The following SULT2A1 variants were observed in gnomAD, a reference collection of about 807,000 sequenced individuals.
The protein encoded by SULT2A1 is sulfotransferase 2A1.
A neutral mutation model predicts 33.9 loss-of-function variants in SULT2A1; 43 were observed. That is an observed-to-expected ratio of 1.27 (90% CI 1.00 to 1.64). The LOEUF (loss-of-function observed/expected upper bound fraction) is 1.64. SULT2A1 is among the 40% of genes most tolerant of loss of function. The pLI is 0.00. For missense variants in SULT2A1, 300 were observed against 335.1 expected (o/e 0.90, Z 0.82); for synonymous variants, 125 against 113.6 (o/e 1.10, Z -0.64).
chr19:47,879,923 A>G (rs1830521548), intron 3 of SULT2A1, among the ~76,000 whole-genome samples: 1 of 110,288 alleles, frequency 9.1e-6, no homozygotes, highest in South Asian at 3.4e-4. Flanking sequence ...AACTTAAAGT[A>G]TAACAATAAA....
chr19:47,878,875 G>A (rs977357389), intron 4 of SULT2A1, among the ~76,000 whole-genome samples, 161 bp downstream of exon 4: 1 of 152,064 alleles, frequency 6.6e-6, no homozygotes, highest in African/African-American at 2.4e-5. Flanking sequence ...CAGAAACAGG[G>A]CAATGAAGAC....
At chr19:47,878,838 G>C (rs1968573799) in intron 4 of SULT2A1, among the ~76,000 whole-genome samples, 198 bp downstream of exon 4, 1 of 152,054 alleles carries the variant, frequency 6.6e-6, no homozygotes, top group South Asian at 2.1e-4. Flanking sequence ...ATAAAATAAG[G>C]AGCGTGAAGC....
At chr19:47,880,407 T>C (rs1968592386) in intron 3 of SULT2A1, among the ~76,000 whole-genome samples, 1 of 151,874 alleles carries the variant, frequency 6.6e-6, no homozygotes, top group Non-Finnish European at 1.5e-5. Context: ...GGGATTACAA[T>C]TCGAGATGAG....
chr19:47,876,671 G>A (rs1270244449), intron 4 of SULT2A1, among the ~76,000 whole-genome samples: 1 of 151,160 alleles, frequency 6.6e-6, no homozygotes, highest in African/African-American at 2.4e-5. Context: ...TTGGGAGGCT[G>A]AGGCACGAGA....
Position 47,883,651 on chromosome 19 carries a change from C to T in SULT2A1, c.271G>A (p.Glu91Lys). ...TGGGAGGAGAATAAACGTGGACTCT[C>T]CGTTTCACTGAGTGCTGTATACCCA... is the stretch of plus-strand genomic sequence containing the variant. ...EIGYTALSET[E>K]SPRLFSSHLP... The change falls in exon 2 of 6, where the codon GAG becomes AAG. Residue 91 changes from glutamate (E) to lysine (K), a missense_variant. Glu to Lys is a moderately conservative substitution (Grantham distance 56). Coordinates refer to ENST00000222002, the MANE Select transcript of SULT2A1 (RefSeq NM_003167.4). 1 of 1,614,082 alleles carries T rather than the reference C, an allele frequency of 6.2e-7. No homozygotes were observed. Among genetic ancestry groups the T allele is most frequent in the South Asian group, 1.1e-5 (1 of 91,070 alleles).
intron 4 of SULT2A1, among the ~76,000 whole-genome samples, chr19:47,875,474 C>T (rs1307638640): frequency 2.0e-5 from 3 of 151,216 alleles, no homozygotes; most frequent in South Asian, 2.1e-4. Context: ...CCTGTCTCTA[C>T]AAAAAATACA....
chr19:47,882,820 C>T (rs1968616061), intron 2 of SULT2A1, among the ~76,000 whole-genome samples: 1 of 152,066 alleles, frequency 6.6e-6, no homozygotes, highest in African/African-American at 2.4e-5. Flanking sequence ...GAGGCTGGAG[C>T]AGGAGAATCA....
intron 3 of SULT2A1, among the ~76,000 whole-genome samples, chr19:47,880,012 G>A (rs1207201768): frequency 7.3e-5 from 11 of 151,652 alleles, no homozygotes; most frequent in African/African-American, 1.7e-4. Context: ...CGAGGCGGGC[G>A]GATCACGAGG....
intron 3 of SULT2A1, among the ~76,000 whole-genome samples, chr19:47,881,517 G>C (rs955491996): frequency 2.0e-5 from 3 of 152,240 alleles, no homozygotes; most frequent in Non-Finnish European, 4.4e-5. Context: ...GGCATTGGTG[G>C]CTCTCTCTAA....
chr19:47,878,960 C>T (rs73942754), intron 4 of SULT2A1, 76 bp downstream of exon 4: 199 of 932,500 alleles, frequency 2.1e-4, no homozygotes, highest in African/African-American at 1.4e-3. Context: ...GAAGACACAG[C>T]GGGATGGAGG....
In SULT2A1 at chr19:47,886,243, G is replaced by A. The variant is rs1378591632; in HGVS notation, c.15C>T (p.Phe5=). ...GGAAAGCTATGCCTTCAAACCATAA[G>A]AAATCGTCCGACATGATGATGACCT... MSDD[F]LWFEGIAFPT... The change falls in exon 1 of 6, where the codon TTC becomes TTT. Residue 5 remains phenylalanine (F), a synonymous_variant. Transcript: ENST00000222002. 1.9e-6 allele frequency: 3 copies of A among 1,613,978 alleles called. No individual in the cohort carries two copies. Among genetic ancestry groups the A allele is most frequent in the Middle Eastern group, 1.6e-4 (1 of 6,062 alleles).
Position 47,870,770 on chromosome 19 carries a change from A to G in SULT2A1, c.*685T>C, listed in dbSNP as rs1968481820. 1 of 147,560 alleles carries G rather than the reference A, an allele frequency of 6.8e-6. No homozygotes were observed. The highest frequency in any genetic ancestry group is 2.4e-5 in the African/African-American group (1 of 41,150). 9.1% of individuals were successfully genotyped at this position (147,560 alleles called of 1,614,324 possible). A position where few individuals can be genotyped will look rare whatever the true frequency, so the allele number is the denominator to read the frequency against. On this transcript the variant is annotated 3_prime_UTR_variant, in exon 6 of 6. Transcript: ENST00000222002. ...ACGGGAAACATTGCAAACATTTAAA[A>G]AAGTCTGGGATCCCATGACTCAACT...
In SULT2A1 at chr19:47,886,156, A is replaced by G; in HGVS notation, c.102T>C (p.Asp34=). ...RKVRDEFVIR[D]EDVIILTYPK... is the part of the protein sequence containing the mutation. ...GGTAAGTCAATATTATTACATCTTC[A>G]TCCCTTATCACGAACTCATCACGTA... Residue 34 remains aspartate (D), a synonymous_variant, in exon 1 of 6, where the codon GAT becomes GAC. Transcript: ENST00000222002. 5.0e-6 allele frequency: 8 copies of G among 1,614,052 alleles called. No individual in the cohort carries two copies. The highest frequency in any genetic ancestry group is 6.8e-6 in the Non-Finnish European group (8 of 1,179,994).
Position 47,879,077 on chromosome 19 carries a change from C to T in SULT2A1, c.526G>A (p.Glu176Lys), listed in dbSNP as rs776701058. Reference sequence around the variant, plus strand: ...TAACTCAGTAACAGGAAGTTTTTCTCCTCTCTCATGGGCATCCAGCCATGA... The same window carrying T: ...TAACTCAGTAACAGGAAGTTTTTCTTCTCTCTCATGGGCATCCAGCCATGA... Reference protein sequence around the residue: ...HIHGWMPMREEKNFLLLSYEE... With the variant: ...HIHGWMPMREKKNFLLLSYEE... Residue 176 changes from glutamate (E) to lysine (K), a missense_variant, in exon 4 of 6, where the codon GAG becomes AAG. Glu to Lys is a moderately conservative substitution (Grantham distance 56). Coordinates refer to ENST00000222002, the MANE Select transcript of SULT2A1 (RefSeq NM_003167.4). The T allele has an allele frequency of 6.2e-7, 1 of 1,613,938 alleles. No homozygotes were observed. The highest frequency in any genetic ancestry group is 2.2e-5 in the East Asian group (1 of 44,876).
At chr19:47,885,245 T>A (rs1968644955) in intron 1 of SULT2A1, among the ~76,000 whole-genome samples, 1 of 152,218 alleles carries the variant, frequency 6.6e-6, no homozygotes, top group South Asian at 2.1e-4. Flanking sequence ...GACTCCCCAT[T>A]TACCCTTCTC....
At chr19:47,884,115 A>C (rs1388340785) in intron 1 of SULT2A1, among the ~76,000 whole-genome samples, 1 of 150,402 alleles carries the variant, frequency 6.6e-6, no homozygotes, top group Admixed American at 6.6e-5. Flanking sequence ...AAAAAAAAAA[A>C]CAAAAACAAA....
At chr19:47,875,280 G>A (rs1411919032) in intron 4 of SULT2A1, among the ~76,000 whole-genome samples, 1 of 151,814 alleles carries the variant, frequency 6.6e-6, no homozygotes, top group Non-Finnish European at 1.5e-5. Context: ...AAGGGATTGA[G>A]TTGAATGCAA....
chr19:47,877,340 G>T (rs745495356), intron 4 of SULT2A1, among the ~76,000 whole-genome samples: 9 of 150,902 alleles, frequency 6.0e-5, no homozygotes, highest in Non-Finnish European at 1.0e-4. Flanking sequence ...GGGTTCAAGC[G>T]ATTCTCCTGA....
chr19:47,884,240 C>T (rs1968632373), intron 1 of SULT2A1, among the ~76,000 whole-genome samples: 1 of 150,416 alleles, frequency 6.6e-6, no homozygotes, highest in South Asian at 2.1e-4. Context: ...GGCACGATCT[C>T]AGTTCACTGC....
Sources: gnomAD v4.1 joint callset for allele counts (sites outside exome capture counted in the v4.1 genomes callset) on GRCh38, gnomAD v4.1.1 for gene constraint, MANE v1.5 for transcripts, NCBI Gene and HGNC (gene_info 2026-07-23, HGNC 2026-07-21) for gene names.